Variants in TSHZ2 observed in about 807,000 individuals in gnomAD.
TSHZ2 encodes teashirt homolog 2.
In TSHZ2, 21 loss-of-function variants were observed where a neutral mutation model predicts 74.4. That is an observed-to-expected ratio of 0.28 (90% CI 0.20 to 0.41). The LOEUF (loss-of-function observed/expected upper bound fraction) is 0.41, where lower values mean the gene tolerates loss of function less well. Among genes scored for constraint, TSHZ2 ranks in the 10% least tolerant of loss-of-function variants. The probability of loss-of-function intolerance (pLI) is 1.00; values close to 1 mark genes in which losing one functional copy is unlikely to be tolerated. For synonymous variants in TSHZ2, 540 were observed against 515.3 expected, an observed-to-expected ratio of 1.05 and a Z score of -0.65; for missense variants, 1,244 against 1,293.5, an observed-to-expected ratio of 0.96 and a Z score of 0.59.
chr20:53,107,984 A>C (rs1986427450), intron 1 of TSHZ2, among the ~76,000 whole-genome samples: 1 of 152,216 alleles, frequency 6.6e-6, no homozygotes, highest in African/African-American at 2.4e-5. Flanking sequence ...GTTATTTGTC[A>C]GAACTTGTGG....
intron 1 of TSHZ2, among the ~76,000 whole-genome samples, chr20:53,210,076 TCGCAGGA>T (rs1428349945): frequency 2.0e-5 from 3 of 152,234 alleles, no homozygotes; most frequent in Non-Finnish European, 4.4e-5. Context: ...CAGATCCCCG[TCGCAGGA>T]CGTGAGACAG....
At chr20:53,061,401 AG>A (rs1984818896) in intron 1 of TSHZ2, among the ~76,000 whole-genome samples, 1 of 152,184 alleles carries the variant, frequency 6.6e-6, no homozygotes, top group South Asian at 2.1e-4. Flanking sequence ...GCTTGTCAAA[AG>A]ACACCCTGAG....
At chr20:53,362,765 G>A (rs887894221) in intron 2 of TSHZ2, among the ~76,000 whole-genome samples, 6 of 152,154 alleles carry the variant, frequency 3.9e-5, no homozygotes, top group Non-Finnish European at 7.4e-5. Context: ...ATGTTGGAAT[G>A]TACATTAATT....
At chr20:53,145,164 C>T (rs374236622) in intron 1 of TSHZ2, among the ~76,000 whole-genome samples, 12 of 152,252 alleles carry the variant, frequency 7.9e-5, no homozygotes, top group East Asian at 5.8e-4. Flanking sequence ...GTTCAAAGCC[C>T]ATGCCTGTCT....
intron 2 of TSHZ2, among the ~76,000 whole-genome samples, chr20:53,375,734 T>C (rs545282623): frequency 6.6e-6 from 1 of 152,302 alleles, no homozygotes; most frequent in African/African-American, 2.4e-5. Flanking sequence ...TTTGCCCTTT[T>C]TAGAACTACT....
At chr20:53,003,727 T>A (rs1600640520) in intron 1 of TSHZ2, among the ~76,000 whole-genome samples, 1 of 152,134 alleles carries the variant, frequency 6.6e-6, no homozygotes. Flanking sequence ...TTGTCTGTGC[T>A]GATAGAAAAT....
intron 2 of TSHZ2, among the ~76,000 whole-genome samples, chr20:53,379,083 A>G (rs1196444982): frequency 1.3e-5 from 2 of 152,200 alleles, no homozygotes; most frequent in Admixed American, 6.5e-5. Context: ...TGCTTGCTAC[A>G]TAAAAGGCCC....
At chr20:53,055,521 A>AT (rs1399198643) in intron 1 of TSHZ2, among the ~76,000 whole-genome samples, 1 of 152,078 alleles carries the variant, frequency 6.6e-6, no homozygotes, top group Non-Finnish European at 1.5e-5. Flanking sequence ...GTTAGTTATA[A>AT]TTTTTTTGCA....
rs116045817 is a variant in TSHZ2, at chr20:53,139,472, C to T, written c.41-114027C>T. Among the ~76,000 whole-genome samples the T allele has an allele frequency of 6.6e-3, 1,011 of 152,290 alleles. 13 individuals are homozygous for T. The highest frequency in any genetic ancestry group is 0.024 in the African/African-American group (980 of 41,552). On this transcript the variant is annotated intron_variant, in intron 1 of 2. Coordinates refer to ENST00000371497, the MANE Select transcript of TSHZ2 (RefSeq NM_173485.6). The stretch of plus-strand genomic sequence containing the variant: ...CTTTCTTTAAAAAGTATTTGCCCTG[C>T]GTTTACTCTGCCCTGCTGTGGTACC...
Position 53,155,049 on chromosome 20 carries a change from T to C in TSHZ2, c.41-98450T>C, listed in dbSNP as rs1007700425. On this transcript the variant is annotated intron_variant, in intron 1 of 2. Coordinates refer to ENST00000371497, the MANE Select transcript of TSHZ2 (RefSeq NM_173485.6). ...TTCTTCTAAGACAGGTGTTTGAATA[T>C]GCATTTTTTTTTTTTTTTTTTTTTT... Among the ~76,000 whole-genome samples the C allele has an allele frequency of 5.5e-5, 8 of 146,740 alleles. No individual in the cohort carries two copies. In the South Asian group the frequency reaches 1.3e-3, roughly 23 times the overall value.
chr20:53,243,740 G>A (rs1290243228), intron 1 of TSHZ2, among the ~76,000 whole-genome samples: 1 of 151,948 alleles, frequency 6.6e-6, no homozygotes, highest in Admixed American at 6.6e-5. Flanking sequence ...CTTTTCACCA[G>A]AAAACTAAAG....
intron 2 of TSHZ2, among the ~76,000 whole-genome samples, chr20:53,445,587 C>T (rs948404990): frequency 2.6e-5 from 4 of 152,182 alleles, no homozygotes; most frequent in Admixed American, 6.5e-5. Context: ...GAGCACTCTA[C>T]TCATTGGCAA....
chr20:53,204,709 A>T (rs1989121014), intron 1 of TSHZ2, among the ~76,000 whole-genome samples: 1 of 152,086 alleles, frequency 6.6e-6, no homozygotes, highest in Non-Finnish European at 1.5e-5. Flanking sequence ...CTTTTATTTC[A>T]TACTCAGAAT....
Position 53,254,244 on chromosome 20 carries a change from T to C in TSHZ2, c.786T>C (p.Ala262=), listed in dbSNP as rs373894649. The C allele has an allele frequency of 6.2e-7, 1 of 1,614,144 alleles. No homozygotes were observed. Among genetic ancestry groups the C allele is most frequent in the African/African-American group, 1.3e-5 (1 of 75,034 alleles). The change falls in exon 2 of 3, where the codon GCT becomes GCC. Residue 262 remains alanine (A), a synonymous_variant. Coordinates refer to ENST00000371497, the MANE Select transcript of TSHZ2 (RefSeq NM_173485.6). The part of the protein sequence containing the change: ...PTSYSKPRKR[A]FQDMDKEDAQ... Reference sequence around the variant, plus strand: ...GCTATTCAAAGCCCAGGAAAAGGGCTTTCCAGGATATGGACAAAGAGGATG... The same window carrying C: ...GCTATTCAAAGCCCAGGAAAAGGGCCTTCCAGGATATGGACAAAGAGGATG...
intron 2 of TSHZ2, among the ~76,000 whole-genome samples, chr20:53,302,023 G>A (rs1287739031): frequency 6.6e-6 from 1 of 152,178 alleles, no homozygotes; most frequent in African/African-American, 2.4e-5. Flanking sequence ...TTACCATAGC[G>A]ATTTCGCACT....
intron 1 of TSHZ2, among the ~76,000 whole-genome samples, chr20:53,199,383 A>G (rs773751582): frequency 1.3e-5 from 2 of 152,200 alleles, no homozygotes; most frequent in East Asian, 1.9e-4. Context: ...CAGAGGCATG[A>G]GAATTGCTTG....
At chr20:53,234,420 G>T (rs1458450677) in intron 1 of TSHZ2, among the ~76,000 whole-genome samples, 3 of 152,232 alleles carry the variant, frequency 2.0e-5, no homozygotes, top group Middle Eastern at 3.4e-3. Flanking sequence ...CAAAGATACC[G>T]GTTCTTACAA....
intron 2 of TSHZ2, among the ~76,000 whole-genome samples, chr20:53,416,396 C>G (rs982288244): frequency 6.6e-6 from 1 of 152,192 alleles, no homozygotes; most frequent in Non-Finnish European, 1.5e-5. Flanking sequence ...AGACAGTAGT[C>G]GGGCTCTATT....
At chr20:53,153,364 T>A (rs1209903324) in intron 1 of TSHZ2, among the ~76,000 whole-genome samples, 2 of 152,112 alleles carry the variant, frequency 1.3e-5, no homozygotes, top group Non-Finnish European at 1.5e-5. Flanking sequence ...ACTTCAAAAG[T>A]TGCATGTGCC....
Sources: gnomAD v4.1 joint callset for allele counts (sites outside exome capture counted in the v4.1 genomes callset) on GRCh38, gnomAD v4.1.1 for gene constraint, MANE v1.5 for transcripts, NCBI Gene and HGNC (gene_info 2026-07-23, HGNC 2026-07-21) for gene names.